The following PTPRT variants were observed in gnomAD, a reference collection of about 807,000 sequenced individuals.
The protein encoded by PTPRT is receptor-type tyrosine-protein phosphatase T.
A neutral mutation model predicts 176.8 loss-of-function variants in PTPRT; 56 were observed. The ratio of observed to expected loss-of-function variants is 0.32; its 90% confidence interval spans 0.26 to 0.40. The LOEUF is 0.40. Ranked by LOEUF, PTPRT falls within the 10% of genes least tolerant of loss-of-function variation. PTPRT has a pLI of 1.00. For synonymous variants in PTPRT, 783 were observed against 739.0 expected, an observed-to-expected ratio of 1.06 and a Z score of -0.96; for missense variants, 1,540 against 1,908.2, an observed-to-expected ratio of 0.81 and a Z score of 3.60.
chr20:42,382,834 A>G (rs1040447353), intron 9 of PTPRT, among the ~76,000 whole-genome samples: 23 of 152,104 alleles, frequency 1.5e-4, no homozygotes, highest in African/African-American at 5.3e-4. Context: ...GGTGGTCACT[A>G]TTGCTCCTGA....
chr20:42,987,633 A>C (rs1983674243), intron 1 of PTPRT, among the ~76,000 whole-genome samples: 7 of 143,278 alleles, frequency 4.9e-5, no homozygotes, highest in African/African-American at 1.3e-4. Context: ...CCCCGCCCAC[A>C]CTCCGCCCAC....
chr20:43,111,530 C>A (rs55881093), intron 1 of PTPRT, among the ~76,000 whole-genome samples: 4 of 124,672 alleles, frequency 3.2e-5, no homozygotes, highest in Admixed American at 1.1e-4. Context: ...GGGGACAGAG[C>A]GAGACTCCGT....
intron 1 of PTPRT, among the ~76,000 whole-genome samples, chr20:42,949,779 T>C (rs1981117795): frequency 6.6e-6 from 1 of 152,186 alleles, no homozygotes. Context: ...TGCCAAACCA[T>C]TCCTGAAATC....
intron 23 of PTPRT, among the ~76,000 whole-genome samples, chr20:42,109,150 G>GATAGATAA (rs1986793324): frequency 2.6e-5 from 4 of 152,066 alleles, no homozygotes; most frequent in Admixed American, 2.6e-4. Flanking sequence ...TTGCTGGGAA[G>GATAGATAA]ATAAATAAAT....
intron 1 of PTPRT, among the ~76,000 whole-genome samples, chr20:43,041,060 C>A (rs1008455242): frequency 1.3e-5 from 2 of 152,188 alleles, no homozygotes; most frequent in African/African-American, 4.8e-5. Flanking sequence ...ATGCATAGAG[C>A]CCAGCAATCT....
At chr20:42,970,259 T>C (rs549083823) in intron 1 of PTPRT, among the ~76,000 whole-genome samples, 2 of 152,314 alleles carry the variant, frequency 1.3e-5, no homozygotes, top group East Asian at 1.9e-4. Context: ...TCTCAGGATA[T>C]AGACCTGTGT....
chr20:42,201,862 A>G (rs1445905737), intron 15 of PTPRT, among the ~76,000 whole-genome samples: 2 of 152,136 alleles, frequency 1.3e-5, no homozygotes, highest in Non-Finnish European at 2.9e-5. Flanking sequence ...GACTTCATAC[A>G]GAATGCACTC....
At chr20:42,150,025 C>G (rs181452185) in intron 17 of PTPRT, among the ~76,000 whole-genome samples, 1 of 152,118 alleles carries the variant, frequency 6.6e-6, no homozygotes, top group African/African-American at 2.4e-5. Flanking sequence ...CCACTTAGTA[C>G]GTTCATTTTC....
At chr20:42,593,884 C>T (rs768554351) in intron 7 of PTPRT, among the ~76,000 whole-genome samples, 77 of 152,074 alleles carry the variant, frequency 5.1e-4, no homozygotes, top group African/African-American at 1.8e-3. Flanking sequence ...TGGGAGGAGA[C>T]GAGTTTAGGC....
intron 7 of PTPRT, among the ~76,000 whole-genome samples, chr20:42,499,242 G>C (rs535945970): frequency 6.6e-6 from 1 of 151,080 alleles, no homozygotes; most frequent in African/African-American, 2.4e-5. Context: ...CATTTCTCTC[G>C]ACTGCAAATG....
intron 1 of PTPRT, among the ~76,000 whole-genome samples, chr20:42,973,564 C>T (rs1200441493): frequency 6.6e-6 from 1 of 152,146 alleles, no homozygotes. Context: ...AAACTGTAAA[C>T]TCTCTGTGCA....
At chr20:42,215,882 G>A (rs2055756999) in intron 15 of PTPRT, among the ~76,000 whole-genome samples, 2 of 152,100 alleles carry the variant, frequency 1.3e-5, no homozygotes, top group Non-Finnish European at 2.9e-5. Flanking sequence ...TCCCTATATA[G>A]GGCCATTCCT....
intron 7 of PTPRT, among the ~76,000 whole-genome samples, chr20:42,559,865 G>A (rs533596861): frequency 5.3e-5 from 8 of 152,070 alleles, no homozygotes; most frequent in Admixed American, 3.3e-4. Flanking sequence ...TAATTCTTAC[G>A]TTCTCATCCA....
At chr20:43,163,465 C>G (rs1051293346) in intron 1 of PTPRT, among the ~76,000 whole-genome samples, 1 of 151,960 alleles carries the variant, frequency 6.6e-6, no homozygotes, top group African/African-American at 2.4e-5. Context: ...GGTGAAACCC[C>G]GTCTCTACTA....
chr20:43,051,624 G>GAAAAAA (rs1361424341), intron 1 of PTPRT, among the ~76,000 whole-genome samples: 1 of 48,290 alleles, frequency 2.1e-5, no homozygotes, highest in African/African-American at 2.9e-4. Flanking sequence ...CTCTGTAACT[G>GAAAAAA]TAAAAAAAAA....
the PTPRT span, among the ~76,000 whole-genome samples, chr20:42,043,476 G>A: frequency 6.6e-6 from 1 of 152,130 alleles, no homozygotes; most frequent in African/African-American, 2.4e-5. Context: ...TTACTTCTGG[G>A]CCAAAGTATA....
At chr20:42,755,636 C>CT (rs767797549) in intron 6 of PTPRT, among the ~76,000 whole-genome samples, 2 of 150,152 alleles carry the variant, frequency 1.3e-5, no homozygotes, top group Non-Finnish European at 2.9e-5. Flanking sequence ...TGCTCATATT[C>CT]TTGGCCTCCC....
the PTPRT span, among the ~76,000 whole-genome samples, chr20:42,044,202 C>T: frequency 6.6e-6 from 1 of 152,238 alleles, no homozygotes; most frequent in Non-Finnish European, 1.5e-5. Context: ...AGGCCTCCTC[C>T]AGTTGGACTC....
chr20:42,799,159 G>C (rs2077494383), intron 2 of PTPRT, among the ~76,000 whole-genome samples: 1 of 151,936 alleles, frequency 6.6e-6, no homozygotes. Context: ...AGGGGAAGAG[G>C]ATGGATGGAA....
Sources: gnomAD v4.1 joint callset for allele counts (sites outside exome capture counted in the v4.1 genomes callset) on GRCh38, gnomAD v4.1.1 for gene constraint, MANE v1.5 for transcripts, NCBI Gene and HGNC (gene_info 2026-07-23, HGNC 2026-07-21) for gene names.